The following NAV3 variants were observed in gnomAD, a reference collection of about 807,000 sequenced individuals.
NAV3 encodes neuron navigator 3, also known as pore membrane and/or filament interacting like protein 1.
NAV3 carries 87 observed loss-of-function variants against 244.7 expected under a neutral mutation model. The observed-to-expected ratio is 0.36, with a 90% CI of 0.30 to 0.42. The LOEUF is 0.42. NAV3 is among the 20% of genes least tolerant of loss of function. The pLI is 1.00. For synonymous variants in NAV3, 1,126 were observed against 1,042.2 expected, an observed-to-expected ratio of 1.08 and a Z score of -1.55; for missense variants, 2,663 against 2,893.3, an observed-to-expected ratio of 0.92 and a Z score of 1.83.
intron 2 of NAV3, among the ~76,000 whole-genome samples, chr12:77,598,401 A>C (rs538862014): frequency 6.4e-4 from 97 of 152,182 alleles, no homozygotes; most frequent in Non-Finnish European, 1.1e-3. Context: ...ATAACTCAAC[A>C]GTTGCTAAAT....
At chr12:77,694,893 T>G (rs1875223067) in intron 2 of NAV3, among the ~76,000 whole-genome samples, 1 of 152,134 alleles carries the variant, frequency 6.6e-6, no homozygotes, top group African/African-American at 2.4e-5. Flanking sequence ...TGCCTGCACA[T>G]GGAAAGAGAC....
chr12:78,208,617 C>A (rs1272430370), intron 39 of NAV3, among the ~76,000 whole-genome samples: 4 of 152,098 alleles, frequency 2.6e-5, no homozygotes, highest in Non-Finnish European at 5.9e-5. Context: ...TATTATGAAT[C>A]TGAGATGTGG....
At chr12:77,613,545 T>C (rs778918266) in intron 2 of NAV3, among the ~76,000 whole-genome samples, 21 of 152,162 alleles carry the variant, frequency 1.4e-4, no homozygotes, top group Admixed American at 5.2e-4. Flanking sequence ...TTCTTTCTTG[T>C]CATTATTTGA....
At chr12:77,883,519 T>C (rs1410258103) in intron 1 of NAV3, among the ~76,000 whole-genome samples, 1 of 152,000 alleles carries the variant, frequency 6.6e-6, no homozygotes, top group African/African-American at 2.4e-5. Flanking sequence ...GATGGGTCCA[T>C]ACACAAACCT....
intron 2 of NAV3, among the ~76,000 whole-genome samples, chr12:77,643,640 T>A (rs1872510612): frequency 6.6e-6 from 1 of 151,800 alleles, no homozygotes; most frequent in East Asian, 1.9e-4. Flanking sequence ...TTATAAAATC[T>A]AATTATTAAA....
At chr12:77,615,735 G>T (rs886614823) in intron 2 of NAV3, among the ~76,000 whole-genome samples, 2 of 152,128 alleles carry the variant, frequency 1.3e-5, no homozygotes, top group African/African-American at 4.8e-5. Context: ...GTATATACCA[G>T]TTGAGATGTT....
intron 34 of NAV3, among the ~76,000 whole-genome samples, chr12:78,190,624 A>C (rs968674225): frequency 4.6e-5 from 7 of 152,068 alleles, no homozygotes; most frequent in African/African-American, 1.4e-4. Flanking sequence ...ATAAGTAGGA[A>C]ATAACATGGG....
At chr12:78,091,795 CAAAAAAAAA>C (rs57863867) in intron 12 of NAV3, 2 of 103,884 alleles carry the variant, frequency 1.9e-5, no homozygotes, top group Non-Finnish European at 3.7e-5. Flanking sequence ...GACTCCGTCT[CAAAAAAAAA>C]AAAAAAAAAT....
intron 15 of NAV3, 115 bp from the exon 16 acceptor site, chr12:78,121,825 G>A: frequency 7.7e-7 from 1 of 1,299,898 alleles, no homozygotes; most frequent in Non-Finnish European, 1.1e-6. Flanking sequence ...GACAGGAAGT[G>A]CTTTGTAGTT....
At chr12:77,992,468 C>T (rs1871616332) in intron 5 of NAV3, among the ~76,000 whole-genome samples, 1 of 151,964 alleles carries the variant, frequency 6.6e-6, no homozygotes, top group African/African-American at 2.4e-5. Flanking sequence ...AAATTGTGGT[C>T]CTCTGGATAG....
At chr12:78,090,464 G>A (rs1953867929) in intron 12 of NAV3, among the ~76,000 whole-genome samples, 1 of 151,942 alleles carries the variant, frequency 6.6e-6, no homozygotes, top group Non-Finnish European at 1.5e-5. Flanking sequence ...GATGCCTGAT[G>A]TCACCACAGA....
rs373902230 is a variant in NAV3, at chr12:77,705,628, G to A, written c.72+133362G>A. ...GACAAAATAAATATGACCATCAGCA[G>A]CTCTAGCCAGATGTGGCATATTAGT... On this transcript the variant is annotated intron_variant, in intron 2 of 8. Transcript: ENST00000550042. Among the ~76,000 whole-genome samples the A allele has an allele frequency of 5.9e-5, 9 of 151,522 alleles. No individual in the cohort carries two copies. In the South Asian group the frequency reaches 1.7e-3, roughly 28 times the overall value.
At chr12:77,656,968 G>A (rs1386184071) in intron 2 of NAV3, among the ~76,000 whole-genome samples, 1 of 152,072 alleles carries the variant, frequency 6.6e-6, no homozygotes, top group Non-Finnish European at 1.5e-5. Context: ...AGTGTGTAGA[G>A]GGAAATTTAT....
chr12:77,864,444 G>C (rs1282403330), intron 1 of NAV3, among the ~76,000 whole-genome samples: 2 of 151,788 alleles, frequency 1.3e-5, no homozygotes, highest in East Asian at 3.9e-4. Flanking sequence ...TAATTTCCCT[G>C]GTGCAATAGG....
chr12:77,991,110 C>G (rs1871360518), intron 5 of NAV3, among the ~76,000 whole-genome samples: 1 of 152,146 alleles, frequency 6.6e-6, no homozygotes, highest in Non-Finnish European at 1.5e-5. Context: ...ACTGCAACCT[C>G]CGCCTCCTGG....
chr12:78,172,813 T>C (rs2139610661), intron 24 of NAV3, among the ~76,000 whole-genome samples: 1 of 151,728 alleles, frequency 6.6e-6, no homozygotes, highest in East Asian at 1.9e-4. Flanking sequence ...TGAAGGATTG[T>C]AGGCCATATT....
chr12:78,075,639 G>T (rs1048196551), intron 12 of NAV3, among the ~76,000 whole-genome samples: 1 of 152,308 alleles, frequency 6.6e-6, no homozygotes, highest in Middle Eastern at 3.4e-3. Context: ...AGTGAAAAGA[G>T]AGTATGAGAT....
At chr12:77,579,667 C>A (rs547058108) in intron 2 of NAV3, among the ~76,000 whole-genome samples, 2 of 152,310 alleles carry the variant, frequency 1.3e-5, no homozygotes, top group Non-Finnish European at 1.5e-5. Context: ...GGCTAACATA[C>A]AAACCATAGT....
intron 8 of NAV3, among the ~76,000 whole-genome samples, chr12:78,020,925 C>G (rs1877045637): frequency 6.6e-6 from 1 of 152,060 alleles, no homozygotes; most frequent in Admixed American, 6.6e-5. Flanking sequence ...TACCTCGCCT[C>G]CTTCTGTGTC....
Sources: allele counts gnomAD v4.1 joint callset (sites outside exome capture counted in the v4.1 genomes callset), GRCh38; gene constraint gnomAD v4.1.1; transcripts MANE v1.5; gene names NCBI Gene and HGNC (gene_info 2026-07-23, HGNC 2026-07-21).